Variants in HERC1 observed in about 807,000 individuals in gnomAD.
The protein encoded by HERC1 is probable E3 ubiquitin-protein ligase HERC1.
Under a neutral mutation model 554.3 loss-of-function variants are expected in HERC1, and 160 were observed. That is an observed-to-expected ratio of 0.29 (90% CI 0.25 to 0.33). The LOEUF (loss-of-function observed/expected upper bound fraction) is 0.33. Among genes scored for constraint, HERC1 ranks in the 10% least tolerant of loss-of-function variants. The pLI is 1.00. For synonymous variants in HERC1, 2,175 were observed against 2,131.7 expected, an observed-to-expected ratio of 1.02 and a Z score of -0.56; for missense variants, 4,919 against 5,918.5, an observed-to-expected ratio of 0.83 and a Z score of 5.54.
intron 74 of HERC1, among the ~76,000 whole-genome samples, chr15:63,619,931 T>C (rs1183984009): frequency 6.6e-6 from 1 of 152,160 alleles, no homozygotes; most frequent in East Asian, 1.9e-4. Context: ...TTTGTTGATC[T>C]TTTCAAAAAA....
intron 1 of HERC1, among the ~76,000 whole-genome samples, chr15:63,784,223 A>C (rs906816035): frequency 1.3e-5 from 2 of 152,062 alleles, no homozygotes. Flanking sequence ...TTTAAGTACC[A>C]GTGGAAAATA....
Position 63,752,932 on chromosome 15 carries a change from CT to C in HERC1, c.1902+25del, listed in dbSNP as rs1490217319. ...CCTAATCCTCTGAAATACTCTAAGT[CT>C]TTTATACTCATCCCTTAGTCCTACC... On this transcript the variant is annotated intron_variant, in intron 8 of 77. Transcript: ENST00000443617. 1.8e-5 allele frequency: 29 copies of C among 1,607,152 alleles called. No individual in the cohort carries two copies. In the East Asian group the frequency reaches 5.8e-4, roughly 32 times the overall value.
chr15:63,806,754 A>C (rs2077151908), intron 1 of HERC1, among the ~76,000 whole-genome samples: 1 of 152,160 alleles, frequency 6.6e-6, no homozygotes, highest in South Asian at 2.1e-4. Context: ...TGTAAGTTGG[A>C]ACTCTGCCCA....
At chr15:63,757,513 C>T (rs898237238) in intron 4 of HERC1, among the ~76,000 whole-genome samples, 6 of 151,980 alleles carry the variant, frequency 3.9e-5, no homozygotes, top group Admixed American at 2.0e-4. Flanking sequence ...ACGATCCACC[C>T]GCCTTGGCCT....
intron 73 of HERC1, 106 bp downstream of exon 73, chr15:63,623,619 T>C (rs1280781177): frequency 1.0e-5 from 11 of 1,083,100 alleles, no homozygotes; most frequent in South Asian, 4.2e-5. Flanking sequence ...CACAAATGCA[T>C]CCTTGCTACA....
chr15:63,715,444 C>T lies in HERC1; in HGVS notation c.4150+858G>A, dbSNP rs74877824. 1.6e-4 allele frequency among the ~76,000 whole-genome samples: 25 copies of T among 152,312 alleles called. No homozygotes were observed. In the East Asian group the frequency reaches 4.8e-3, roughly 29 times the overall value. On this transcript the variant is annotated intron_variant, in intron 22 of 77. Transcript: ENST00000443617. ...TAGGTTTTTAAAATACAATTATTTTCCTTCCCCATCTCCAACTCCCTTTAC... is the reference window on the plus strand; with the variant it reads ...TAGGTTTTTAAAATACAATTATTTTTCTTCCCCATCTCCAACTCCCTTTAC...
At chr15:63,789,848 T>C (rs1038055906) in intron 1 of HERC1, among the ~76,000 whole-genome samples, 6 of 98,532 alleles carry the variant, frequency 6.1e-5, no homozygotes, top group Admixed American at 9.8e-5. Context: ...GTATTATATA[T>C]TCTAGACATT....
intron 1 of HERC1, among the ~76,000 whole-genome samples, chr15:63,783,246 A>G (rs753498140): frequency 1.6e-4 from 25 of 152,110 alleles, no homozygotes; most frequent in Non-Finnish European, 2.5e-4. Context: ...CAATGCAGCA[A>G]ACTTCACTGT....
intron 1 of HERC1, among the ~76,000 whole-genome samples, chr15:63,829,557 GTGTGTATATATATATATA>G (rs2078076786): frequency 1.5e-5 from 1 of 66,188 alleles, no homozygotes; most frequent in Non-Finnish European, 3.3e-5. Flanking sequence ...GTGTGTGTGT[GTGTGTATATATATATATA>G]TATATATATA....
At chr15:63,689,883 G>A (rs2072005503) in intron 32 of HERC1, among the ~76,000 whole-genome samples, 184 bp from the exon 33 acceptor site, 1 of 152,156 alleles carries the variant, frequency 6.6e-6, no homozygotes, top group South Asian at 2.1e-4. Flanking sequence ...CCCATTAGAA[G>A]CCAGGCACGG....
intron 19 of HERC1, among the ~76,000 whole-genome samples, chr15:63,720,242 T>A (rs2073760660): frequency 2.0e-5 from 3 of 151,888 alleles, no homozygotes; most frequent in South Asian, 4.2e-4. Context: ...TAGCTAGAGT[T>A]ACAGGCATGA....
At chr15:63,659,153 G>A (rs1162348218) in intron 47 of HERC1, among the ~76,000 whole-genome samples, 1 of 151,888 alleles carries the variant, frequency 6.6e-6, no homozygotes, top group South Asian at 2.1e-4. Flanking sequence ...ATTTTAAGTT[G>A]GTTACAGGAT....
chr15:63,654,591 G>A (rs940939030), intron 50 of HERC1, among the ~76,000 whole-genome samples: 5 of 152,034 alleles, frequency 3.3e-5, no homozygotes, highest in Admixed American at 1.3e-4. Context: ...GGTGGCTCAC[G>A]CCTGTAATCC....
chr15:63,758,262 C>T lies in HERC1; in HGVS notation c.1134G>A (p.Gly378=), dbSNP rs1297338126. 6.2e-7 allele frequency: 1 copy of T among 1,613,756 alleles called. No individual in the cohort carries two copies. The highest frequency in any genetic ancestry group is 1.7e-4 in the Middle Eastern group (1 of 6,060). ...CTACCAACTGATGGCTGCTATTGCT[C>T]CCCCAAACATAAACCTCACAGGTTT... is the stretch of plus-strand genomic sequence containing the variant. The part of the protein sequence containing the change: ...VSETCEVYVW[G]SNSSHQLVEG... The change falls in exon 4 of 78, where the codon GGG becomes GGA. Residue 378 remains glycine (G), a synonymous_variant. Coordinates refer to ENST00000443617, the MANE Select transcript of HERC1 (RefSeq NM_003922.4). The surrounding 1 kb of genome is among the most constrained non-coding windows in gnomAD (Gnocchi z 4.0).
intron 1 of HERC1, chr15:63,780,383 T>C (rs1398426580): frequency 6.6e-6 from 1 of 152,064 alleles, no homozygotes; most frequent in Non-Finnish European, 1.5e-5. Context: ...ACAGAGGCCA[T>C]CTAACAACAG....
intron 1 of HERC1, among the ~76,000 whole-genome samples, chr15:63,801,080 AG>A (rs2076969366): frequency 6.6e-6 from 1 of 152,162 alleles, no homozygotes; most frequent in African/African-American, 2.4e-5. Flanking sequence ...AGATGCTGGG[AG>A]GGTGGCATGT....
intron 77 of HERC1, among the ~76,000 whole-genome samples, chr15:63,609,909 T>C (rs1318225235): frequency 6.6e-6 from 1 of 152,062 alleles, no homozygotes; most frequent in African/African-American, 2.4e-5. Flanking sequence ...TCAGGATACA[T>C]TAGGAGGTTA....
At chr15:63,761,801 T>G (rs570671554) in intron 3 of HERC1, among the ~76,000 whole-genome samples, 1 of 152,340 alleles carries the variant, frequency 6.6e-6, no homozygotes, top group South Asian at 2.1e-4. Context: ...CATATTCTAA[T>G]TCTCATCCTT....
At chr15:63,778,598 A>C (rs1051238676) in intron 1 of HERC1, among the ~76,000 whole-genome samples, 2 of 152,222 alleles carry the variant, frequency 1.3e-5, no homozygotes, top group African/African-American at 2.4e-5. Context: ...ATAAAATTGA[A>C]GACAGAACAA....
Sources: allele counts gnomAD v4.1 joint callset (sites outside exome capture counted in the v4.1 genomes callset), GRCh38; gene constraint gnomAD v4.1.1; non-coding constraint Gnocchi (gnomAD v3.1); transcripts MANE v1.5; gene names NCBI Gene and HGNC (gene_info 2026-07-23, HGNC 2026-07-21).